The following KATNAL1 variants were observed in gnomAD, a reference collection of about 807,000 sequenced individuals.
The protein encoded by KATNAL1 is katanin p60 ATPase-containing subunit A-like 1.
KATNAL1 carries 32 observed loss-of-function variants against 55.2 expected under a neutral mutation model. The ratio of observed to expected loss-of-function variants is 0.58; its 90% CI spans 0.44 to 0.78. The LOEUF (loss-of-function observed/expected upper bound fraction) is 0.78, where lower values mean the gene tolerates loss of function less well. Among genes scored for constraint, KATNAL1 ranks in the 30% least tolerant of loss-of-function variants. The probability of loss-of-function intolerance (pLI) is 0.00; values close to 1 mark genes in which losing one functional copy is unlikely to be tolerated. For synonymous variants in KATNAL1, 193 were observed against 193.6 expected, an observed-to-expected ratio of 1.00 and a Z score of 0.02; for missense variants, 466 against 600.9, an observed-to-expected ratio of 0.78 and a Z score of 2.35.
chr13:30,240,927 T>C (rs373328021), intron 5 of KATNAL1, 32 bp downstream of exon 5: 6 of 1,593,472 alleles, frequency 3.8e-6, no homozygotes, highest in East Asian at 4.5e-5. Flanking sequence ...TGTTCTCCTC[T>C]ACTTTAATTC....
chr13:30,274,905 GCGCACACACA>G lies in KATNAL1; in HGVS notation c.323+5148_323+5157del, dbSNP rs1167425774. ...TGCACACACATACGCGCGCGCGCGCGCGCACACACACACACACACACACACACACACACAC... is the reference window on the plus strand; with the variant it reads ...TGCACACACATACGCGCGCGCGCGCGCACACACACACACACACACACACAC... On this transcript the variant is annotated intron_variant, in intron 3 of 10. Transcript: ENST00000380615. Among the ~76,000 whole-genome samples, 214 of 84,346 alleles carry G rather than the reference GCGCACACACA, an allele frequency of 2.5e-3. 3 individuals carry two copies. The highest frequency in any genetic ancestry group is 7.8e-3 in the African/African-American group (185 of 23,854). The allele number at this position is 84,346 out of a possible 152,430, so 55.3% of individuals were successfully genotyped here. A position where few individuals can be genotyped will look rare whatever the true frequency, so the allele number is the denominator to read the frequency against.
chr13:30,285,721 T>C (rs1343379214), intron 1 of KATNAL1, among the ~76,000 whole-genome samples: 1 of 152,182 alleles, frequency 6.6e-6, no homozygotes, highest in Non-Finnish European at 1.5e-5. Flanking sequence ...TGGAACAGTT[T>C]GGAGGGCTCA....
chr13:30,255,729 A>C, intron 3 of KATNAL1, 114 bp from the exon 4 acceptor site: 1 of 1,071,494 alleles, frequency 9.3e-7, no homozygotes, highest in Non-Finnish European at 1.2e-6. Context: ...CCCGAAAGCT[A>C]ATTTTTTCAC....
chr13:30,283,709 G>C lies in KATNAL1; in HGVS notation c.69C>G (p.Asp23Glu). The change falls in exon 2 of 11, where the codon GAC becomes GAG. Residue 23 changes from aspartate (D) to glutamate (E), a missense_variant. Physicochemically the swap from Asp to Glu is conservative, Grantham distance 45. Around this residue, in one of 3 missense-constraint regions of KATNAL1, gnomAD observed 248 missense variants for 275.5 expected, o/e 0.90. Coordinates refer to ENST00000380615, the MANE Select transcript of KATNAL1 (RefSeq NM_032116.5). ...CCCCCTGGTAATATACCATTGATGA[G>C]TCGTAATTTCCAAGAAGGGCATATT... The part of the protein sequence containing the change: ...GREYALLGNY[D>E]SSMVYYQGVM... 1.2e-6 allele frequency: 2 copies of C among 1,613,804 alleles called. No individual in the cohort carries two copies. Among genetic ancestry groups the C allele is most frequent in the Non-Finnish European group, 1.7e-6 (2 of 1,179,830 alleles).
At chr13:30,274,924 C>T (rs1880721097) in intron 3 of KATNAL1, among the ~76,000 whole-genome samples, 1 of 149,770 alleles carries the variant, frequency 6.7e-6, no homozygotes, top group Non-Finnish European at 1.5e-5. Context: ...CACACACACA[C>T]ACACACACAC....
chr13:30,251,753 T>C (rs1878341481), intron 4 of KATNAL1, among the ~76,000 whole-genome samples: 1 of 152,210 alleles, frequency 6.6e-6, no homozygotes, highest in Admixed American at 6.5e-5. Context: ...AGGAGCTACA[T>C]TTCATTAACG....
chr13:30,223,262 AC>A (rs1393072885), intron 9 of KATNAL1, among the ~76,000 whole-genome samples: 5 of 150,698 alleles, frequency 3.3e-5, no homozygotes, highest in Admixed American at 3.3e-4. Flanking sequence ...ACACGGTGAA[AC>A]TCCGTCTCTA....
chr13:30,230,531 C>T lies in KATNAL1; in HGVS notation c.949G>A (p.Gly317Arg), dbSNP rs1255977479. The change falls in exon 8 of 11, where the codon GGA (glycine) becomes AGA (arginine). Residue 317 changes from glycine to arginine, a missense_variant. Transcript: ENST00000380615. Reference protein sequence around the residue: ...DEIDSICSRRGTSDEHEASRR... With the variant: ...DEIDSICSRRRTSDEHEASRR... ...CTTGCCTCATGTTCATCAGAGGTTCCTCTTCGACTGCAGATAGAATCTATC... is the reference window on the plus strand; with the variant it reads ...CTTGCCTCATGTTCATCAGAGGTTCTTCTTCGACTGCAGATAGAATCTATC... The T allele has an allele frequency of 6.2e-7, 1 of 1,612,948 alleles. No homozygotes were observed. Among genetic ancestry groups the T allele is most frequent in the South Asian group, 1.1e-5 (1 of 91,038 alleles).
At chr13:30,277,185 T>C (rs1325996074) in intron 3 of KATNAL1, among the ~76,000 whole-genome samples, 1 of 152,232 alleles carries the variant, frequency 6.6e-6, no homozygotes, top group East Asian at 1.9e-4. Flanking sequence ...ATAAAATGAC[T>C]TGTTTTATGA....
intron 3 of KATNAL1, among the ~76,000 whole-genome samples, chr13:30,279,253 A>C (rs1395530691): frequency 6.6e-6 from 1 of 152,218 alleles, no homozygotes; most frequent in East Asian, 1.9e-4. Flanking sequence ...CTACGTGCCA[A>C]ACCCTGCGTT....
chr13:30,208,679 C>T lies in KATNAL1; in HGVS notation c.1334G>A (p.Arg445His). The T allele has an allele frequency of 3.7e-6, 6 of 1,613,844 alleles. No individual in the cohort carries two copies. Among genetic ancestry groups the T allele is most frequent in the Non-Finnish European group, 5.1e-6 (6 of 1,179,922 alleles). Reference sequence around the variant, plus strand: ...CTGAAGTTCCTCTTTAGAAAGTGCACGGATTTCTTCTGGACTTAAGCCATT... The same window carrying T: ...CTGAAGTTCCTCTTTAGAAAGTGCATGGATTTCTTCTGGACTTAAGCCATT... ...RINGLSPEEI[R>H]ALSKEELQMP... Residue 445 changes from arginine (R) to histidine (H), a missense_variant, in exon 11 of 11, where the codon CGT (arginine) becomes CAT (histidine). Arg to His is a conservative substitution (Grantham distance 29, BLOSUM62 0). This residue lies in a region of KATNAL1 where 213 missense variants were observed against 308.6 expected (regional missense o/e 0.69). Transcript: ENST00000380615.
In KATNAL1 at chr13:30,231,487, G is replaced by T; in HGVS notation, c.727-15C>A. 1 of 1,489,804 alleles carries T rather than the reference G, an allele frequency of 6.7e-7. No homozygotes were observed. Among genetic ancestry groups the T allele is most frequent in the Non-Finnish European group, 9.0e-7 (1 of 1,115,866 alleles). The allele number at this position is 1,489,804 out of a possible 1,614,324, so 92.3% of individuals were successfully genotyped here. A position where few individuals can be genotyped will look rare whatever the true frequency, so the allele number is the denominator to read the frequency against. ...ATCAGTACACCCTGAAATTTCAAAA[G>T]ACAAATTAAATGATTTATCAGATTA... On this transcript the variant is annotated splice_polypyrimidine_tract_variant and intron_variant, in intron 6 of 10. Transcript: ENST00000380615.
chr13:30,268,272 A>G (rs1239525139), intron 3 of KATNAL1, among the ~76,000 whole-genome samples: 2 of 152,246 alleles, frequency 1.3e-5, no homozygotes, highest in African/African-American at 4.8e-5. Flanking sequence ...TTACTGAAGA[A>G]ACATTCTCAA....
At chr13:30,209,698 AG>A (rs1190579449) in intron 10 of KATNAL1, among the ~76,000 whole-genome samples, 1 of 152,286 alleles carries the variant, frequency 6.6e-6, no homozygotes, top group African/African-American at 2.4e-5. Context: ...ATATTACTTT[AG>A]GTTGATGCAG....
chr13:30,283,875 T>C (rs1881591421), intron 1 of KATNAL1, 84 bp from the exon 2 acceptor site: 2 of 908,576 alleles, frequency 2.2e-6, no homozygotes, highest in Non-Finnish European at 3.2e-6. Context: ...TGTTTAAAAC[T>C]ACTTTTTTTT....
At chr13:30,275,265 A>C (rs1349562619) in intron 3 of KATNAL1, among the ~76,000 whole-genome samples, 2 of 152,184 alleles carry the variant, frequency 1.3e-5, no homozygotes, top group African/African-American at 4.8e-5. Context: ...ATCACATGGC[A>C]AAAGAGTGAG....
intron 3 of KATNAL1, among the ~76,000 whole-genome samples, chr13:30,272,924 C>T (rs1437407188): frequency 6.6e-6 from 1 of 152,214 alleles, no homozygotes; most frequent in Admixed American, 6.5e-5. Context: ...GAAATGATTG[C>T]ATAAGCGCTC....
intron 5 of KATNAL1, 112 bp downstream of exon 5, chr13:30,240,847 A>G (rs1313312329): frequency 1.3e-5 from 13 of 963,492 alleles, no homozygotes. Flanking sequence ...CTTTCATATT[A>G]TAGATGTGGT....
intron 3 of KATNAL1, among the ~76,000 whole-genome samples, chr13:30,262,865 T>A (rs1879422344): frequency 1.3e-5 from 2 of 152,010 alleles, no homozygotes; most frequent in Admixed American, 6.6e-5. Flanking sequence ...CCTAACTCAT[T>A]TTATGAGGCC....
Sources: gnomAD v4.1 joint callset for allele counts (sites outside exome capture counted in the v4.1 genomes callset) on GRCh38, gnomAD v4.1.1 for gene constraint, gnomAD v4.1.1 regional missense constraint, MANE v1.5 for transcripts, NCBI Gene and HGNC (gene_info 2026-07-23, HGNC 2026-07-21) for gene names.